Variants in SHISAL2A observed in about 807,000 individuals in gnomAD.
SHISAL2A encodes the protein shisa like 2A.
Under a neutral mutation model 11.5 loss-of-function variants are expected in SHISAL2A, and 18 were observed. That is an observed-to-expected ratio of 1.57 (90% CI 1.08 to 2.33). The LOEUF (loss-of-function observed/expected upper bound fraction) is 2.33, where lower values mean the gene tolerates loss of function less well. Among genes scored for constraint, SHISAL2A ranks in the 30% most tolerant of loss-of-function variants. The pLI is 0.00. For missense variants in SHISAL2A, 261 were observed against 250.9 expected (o/e 1.04, Z -0.27); for synonymous variants, 94 against 99.6 (o/e 0.94, Z 0.34).
In SHISAL2A at chr1:52,633,617, T is replaced by C; in HGVS notation, c.124T>C (p.Cys42Arg). The change falls in exon 1 of 3, where the codon TGC (cysteine) becomes CGC (arginine). Residue 42 changes from cysteine (C) to arginine (R), a missense_variant. Coordinates refer to ENST00000517870, the MANE Select transcript of SHISAL2A (RefSeq NM_001042693.3). The surrounding 1 kb of genome is among the most constrained non-coding windows in gnomAD (Gnocchi z 6.4). The part of the protein sequence containing the change: ...FCCGFRDHKY[C>R]CDDPHSFFPY... ...CTGCGGCTTCCGCGACCACAAGTACTGCTGCGACGACCCGCACAGCTTCTT... is the reference window on the plus strand; with the variant it reads ...CTGCGGCTTCCGCGACCACAAGTACCGCTGCGACGACCCGCACAGCTTCTT... The C allele has an allele frequency of 6.2e-7, 1 of 1,613,148 alleles. No homozygotes were observed. Among genetic ancestry groups the C allele is most frequent in the Non-Finnish European group, 8.5e-7 (1 of 1,179,614 alleles).
intron 2 of SHISAL2A, among the ~76,000 whole-genome samples, chr1:52,644,269 C>CA (rs932740569): frequency 2.7e-4 from 41 of 149,144 alleles, no homozygotes; most frequent in East Asian, 1.4e-3. Context: ...GTTGCTAAGG[C>CA]AAAAAAAAAG....
chr1:52,646,492 T>TACACAC (rs35929137), intron 2 of SHISAL2A, among the ~76,000 whole-genome samples: 21,660 of 145,202 alleles, frequency 0.15, 1,808 homozygotes, highest in Non-Finnish European at 0.18. Flanking sequence ...TAAATATCTA[T>TACACAC]ACACACACAC....
At position 52,667,375 on chromosome 1, in the gene SHISAL2A, T is replaced by C. The variant is rs540283734; in HGVS notation, n.696-24T>C. The C allele has an allele frequency of 7.1e-6, 7 of 983,892 alleles. No individual in the cohort carries two copies. In the African/African-American group the frequency reaches 1.0e-4, roughly 15 times the overall value. The allele number at this position is 983,892 out of a possible 1,614,324, so 60.9% of individuals were successfully genotyped here. A position where few individuals can be genotyped will look rare whatever the true frequency, so the allele number is the denominator to read the frequency against. ...CATGGGGAAGTCTTTCAAAGATTTG[T>C]TCACATTCTCTATGACCCTGCAGGT... is the stretch of plus-strand genomic sequence containing the variant. On this transcript the variant is annotated intron_variant and non_coding_transcript_variant, in intron 4 of 5. Transcript: ENST00000401050.
downstream of SHISAL2A, among the ~76,000 whole-genome samples, chr1:52,659,943 C>T (rs904751386): frequency 4.6e-5 from 7 of 152,256 alleles, no homozygotes; most frequent in Admixed American, 1.3e-4. Flanking sequence ...AGTGGTCATC[C>T]GCGGCCTAAG....
chr1:52,662,950 G>C (rs561911023), intron 4 of SHISAL2A, among the ~76,000 whole-genome samples: 1 of 152,344 alleles, frequency 6.6e-6, no homozygotes, highest in South Asian at 2.1e-4. Context: ...ACAGAGGGCT[G>C]CTGTCGTGCA....
intron 2 of SHISAL2A, among the ~76,000 whole-genome samples, chr1:52,654,790 A>G (rs1369104396): frequency 6.6e-6 from 1 of 152,256 alleles, no homozygotes. Context: ...ATAAGCCAGT[A>G]TTCATCAAAG....
At chr1:52,650,643 CTTT>C (rs35001247) in intron 2 of SHISAL2A, among the ~76,000 whole-genome samples, 3 of 108,110 alleles carry the variant, frequency 2.8e-5, no homozygotes, top group Middle Eastern at 5.4e-3. Flanking sequence ...TTTTAAAACC[CTTT>C]TTTTTTTTTT....
chr1:52,657,364 T>G (rs1691813197), downstream of SHISAL2A, among the ~76,000 whole-genome samples: 1 of 152,126 alleles, frequency 6.6e-6, no homozygotes, highest in African/African-American at 2.4e-5. Flanking sequence ...AGTAGGTGTA[T>G]TTAGGAGCCC....
At chr1:52,634,095 C>G (rs1008148063) in intron 1 of SHISAL2A, among the ~76,000 whole-genome samples, 1 of 152,126 alleles carries the variant, frequency 6.6e-6, no homozygotes, top group Non-Finnish European at 1.5e-5. Flanking sequence ...CAGCCTTATT[C>G]CTGACTTTCC....
chr1:52,634,577 C>G (rs1691200118), intron 1 of SHISAL2A, among the ~76,000 whole-genome samples: 1 of 152,182 alleles, frequency 6.6e-6, no homozygotes, highest in Non-Finnish European at 1.5e-5. Flanking sequence ...ATTCCTGGAG[C>G]CTAAGTGTTG....
At chr1:52,667,141 G>T (rs78014985) in intron 4 of SHISAL2A, among the ~76,000 whole-genome samples, 1 of 152,188 alleles carries the variant, frequency 6.6e-6, no homozygotes, top group Admixed American at 6.5e-5. Flanking sequence ...TCCACTATAG[G>T]CTTCACCAAT....
chr1:52,651,659 C>T (rs553469543), intron 2 of SHISAL2A, among the ~76,000 whole-genome samples: 1 of 152,280 alleles, frequency 6.6e-6, no homozygotes, highest in African/African-American at 2.4e-5. Context: ...GTTCTCCTGC[C>T]TCAGCTGGCT....
In SHISAL2A at chr1:52,633,679, C is replaced by T. The variant is rs1220620265; in HGVS notation, c.182+4C>T. 2 of 1,598,222 alleles carry T rather than the reference C, an allele frequency of 1.3e-6. No homozygotes were observed. The highest frequency in any genetic ancestry group is 1.7e-6 in the Non-Finnish European group (2 of 1,172,682). ...ACAGCTACATGTGGTGGCTCAGGTA[C>T]CGTCCCTGGCCCTCACCCTACCTTG... On this transcript the variant is annotated splice_donor_region_variant and intron_variant, in intron 1 of 2. Transcript: ENST00000517870. This position sits in a 1 kb window ranked among gnomAD's most constrained non-coding sequence, Gnocchi z 6.4.
At chr1:52,666,205 A>G (rs1446471542) in intron 4 of SHISAL2A, among the ~76,000 whole-genome samples, 1 of 152,096 alleles carries the variant, frequency 6.6e-6, no homozygotes, top group African/African-American at 2.4e-5. Context: ...TAATCCTAAC[A>G]CTTTGGACGA....
intron 4 of SHISAL2A, among the ~76,000 whole-genome samples, chr1:52,662,961 G>A (rs1558095559): frequency 6.6e-6 from 1 of 152,208 alleles, no homozygotes; most frequent in Non-Finnish European, 1.5e-5. Context: ...CTGTCGTGCA[G>A]CCAGCCTTAT....
rs930191075 is a variant in SHISAL2A, at chr1:52,664,604, C to T, written n.696-2795C>T. 3.9e-5 allele frequency among the ~76,000 whole-genome samples: 6 copies of T among 152,268 alleles called. No homozygotes were observed. The East Asian group carries it at 9.7e-4, about 25-fold the overall frequency. ...AACTCCCGACCTCAGGTGATCTGCCCGCCTTGGCCTCCCAAAGTTGTTGGG... is the reference window on the plus strand; with the variant it reads ...AACTCCCGACCTCAGGTGATCTGCCTGCCTTGGCCTCCCAAAGTTGTTGGG... On this transcript the variant is annotated intron_variant and non_coding_transcript_variant, in intron 4 of 5. Transcript: ENST00000401050.
downstream of SHISAL2A, among the ~76,000 whole-genome samples, chr1:52,658,751 C>G (rs538547616): frequency 2.6e-5 from 4 of 152,366 alleles, no homozygotes; most frequent in Admixed American, 1.3e-4. Context: ...CTAACTTTGG[C>G]GATGGCTTTT....
chr1:52,635,415 G>A (rs967424241), intron 1 of SHISAL2A, among the ~76,000 whole-genome samples: 9 of 151,686 alleles, frequency 5.9e-5, no homozygotes, highest in African/African-American at 2.2e-4. Flanking sequence ...GGTGGCAGAT[G>A]GGGCTAGGGA....
downstream of SHISAL2A, among the ~76,000 whole-genome samples, chr1:52,661,141 C>T (rs1388089673): frequency 3.3e-5 from 5 of 152,234 alleles, no homozygotes; most frequent in South Asian, 8.3e-4. Context: ...GAAGGGTAGA[C>T]GAGCCAAGTC....
Sources: gnomAD v4.1 joint callset for allele counts (sites outside exome capture counted in the v4.1 genomes callset) on GRCh38, gnomAD v4.1.1 for gene constraint, Gnocchi (gnomAD v3.1) non-coding constraint, MANE v1.5 for transcripts, NCBI Gene and HGNC (gene_info 2026-07-23, HGNC 2026-07-21) for gene names.